KCP: variants seen among roughly 807,000 people sequenced by gnomAD.
The protein encoded by KCP is kielin/chordin-like protein.
In KCP, 194 loss-of-function variants were observed where a neutral mutation model predicts 212.7. The observed-to-expected ratio is 0.91, with a 90% confidence interval of 0.81 to 1.03. The LOEUF (loss-of-function observed/expected upper bound fraction) is 1.03. Among genes scored for constraint, KCP ranks in the 50% least tolerant of loss-of-function variants. KCP has a pLI of 0.00. For missense variants in KCP, 2,080 were observed against 2,162.5 expected (o/e 0.96, Z 0.76); for synonymous variants, 833 against 865.3 (o/e 0.96, Z 0.65).
chr7:128,896,946 A>G (rs919843902), intron 8 of KCP, among the ~76,000 whole-genome samples: 6 of 151,808 alleles, frequency 4.0e-5, no homozygotes, highest in African/African-American at 1.5e-4. Context: ...CAGCCATCCA[A>G]ACTTTTGAGC....
intron 8 of KCP, among the ~76,000 whole-genome samples, chr7:128,900,299 T>C (rs1794774663): frequency 6.6e-6 from 1 of 152,186 alleles, no homozygotes; most frequent in Admixed American, 6.5e-5. Context: ...ATGGTATACT[T>C]GTTATTAAAT....
chr7:128,880,133 G>T, intron 34 of KCP, 48 bp from the exon 35 acceptor site: 1 of 1,472,210 alleles, frequency 6.8e-7, no homozygotes. Context: ...TCCCCGCCAT[G>T]CCTCTCGCAG....
intron 29 of KCP, among the ~76,000 whole-genome samples, 180 bp downstream of exon 29, chr7:128,883,822 G>A (rs1383946236): frequency 6.6e-6 from 1 of 152,218 alleles, no homozygotes; most frequent in African/African-American, 2.4e-5. Context: ...AGAGGCAAAG[G>A]GTTCCTGTCA....
chr7:128,888,613 GACAC>G (rs753376588), intron 22 of KCP, among the ~76,000 whole-genome samples: 15 of 105,062 alleles, frequency 1.4e-4, no homozygotes, highest in African/African-American at 4.3e-4. Context: ...CACACAGCCA[GACAC>G]ACACACACAC....
chr7:128,907,608 T>A (rs1011964974), intron 2 of KCP, among the ~76,000 whole-genome samples, 155 bp from the exon 3 acceptor site: 14 of 152,174 alleles, frequency 9.2e-5, no homozygotes, highest in Non-Finnish European at 1.9e-4. Flanking sequence ...GCTCAAACGA[T>A]CACCATTCTC....
At chr7:128,887,086 T>A in intron 23 of KCP, 120 bp from the exon 24 acceptor site, 5 of 1,059,654 alleles carry the variant, frequency 4.7e-6, no homozygotes, top group Non-Finnish European at 7.2e-6. Flanking sequence ...CTGAGCCCAG[T>A]CCTGTCCCAT....
intron 8 of KCP, among the ~76,000 whole-genome samples, chr7:128,902,568 C>A (rs971585484): frequency 7.2e-5 from 11 of 152,184 alleles, no homozygotes; most frequent in Non-Finnish European, 1.2e-4. Flanking sequence ...TTCACTAACC[C>A]GGGCTGAGCA....
rs894772285 is a variant in KCP at position 128,877,166 on chromosome 7, T to G, written c.4764A>C (p.Ala1588=). 1.1e-5 allele frequency: 16 copies of G among 1,493,902 alleles called. No individual in the cohort carries two copies. The African/African-American group carries it at 2.0e-4, about 19-fold the overall frequency. The allele number at this position is 1,493,902 out of a possible 1,614,324, so 92.5% of individuals were successfully genotyped here. The stretch of plus-strand genomic sequence containing the variant: ...AGTGGGCCTCATGCTCCACCAGGCC[T>G]GCAGGGCACTGGCAGCCGGGCACGC... ...RPCVPGCQCP[A]GLVEHEAHCI... is the part of the protein sequence containing the mutation. Residue 1588 remains alanine (A), a synonymous_variant, in exon 40 of 40, where the codon GCA becomes GCC. Transcript: ENST00000610776.
chr7:128,880,091 C>T lies in KCP; in HGVS notation c.3760-6G>A, dbSNP rs1215187424. 3 of 1,530,106 alleles carry T rather than the reference C, an allele frequency of 2.0e-6. No homozygotes were observed. Among genetic ancestry groups the T allele is most frequent in the Non-Finnish European group, 2.6e-6 (3 of 1,137,142 alleles). 94.8% of individuals were successfully genotyped at this position (1,530,106 alleles called of 1,614,324 possible). ...CTCAGGGCAGGGGCCTTGTCCTGCA[C>T]TCAGCCCCAGACACTGTCAGACACA... On this transcript the variant is annotated splice_polypyrimidine_tract_variant and splice_region_variant and intron_variant, in intron 34 of 39. Coordinates refer to ENST00000610776, the MANE Select transcript of KCP (RefSeq NM_001366122.1).
intron 5 of KCP, among the ~76,000 whole-genome samples, chr7:128,905,882 GC>G (rs1404543070): frequency 6.6e-6 from 1 of 151,822 alleles, no homozygotes; most frequent in Non-Finnish European, 1.5e-5. Flanking sequence ...GTCTGTAAAG[GC>G]CCCCTGACTG....
chr7:128,880,585 G>A, intron 33 of KCP, 34 bp downstream of exon 33: 1 of 1,340,226 alleles, frequency 7.5e-7, no homozygotes, highest in South Asian at 2.0e-5. Flanking sequence ...CAGAAGGTCT[G>A]GCTTACCCCT....
chr7:128,886,501 C>A lies in KCP; in HGVS notation c.2829G>T (p.Gln943His), dbSNP rs926397487. ...LQCPPLPCKL[Q>H]VTERGSCCPR... Reference sequence around the variant, plus strand: ...GGCAGCAGCTCCCCCGCTCGGTGACCTGGAGCTTGCAGGGAAGGGGTGGGC... The same window carrying A: ...GGCAGCAGCTCCCCCGCTCGGTGACATGGAGCTTGCAGGGAAGGGGTGGGC... The change falls in exon 26 of 40, where the codon CAG becomes CAT. Residue 943 changes from glutamine (Q) to histidine (H), a missense_variant. Physicochemically the swap from Gln to His is conservative, Grantham distance 24. Transcript: ENST00000610776. 1 of 1,550,578 alleles carries A rather than the reference C, an allele frequency of 6.4e-7. No individual in the cohort carries two copies. Among genetic ancestry groups the A allele is most frequent in the Admixed American group, 2.0e-5 (1 of 50,942 alleles).
chr7:128,907,519 G>T, intron 2 of KCP, 66 bp from the exon 3 acceptor site: 6 of 1,155,928 alleles, frequency 5.2e-6, no homozygotes, highest in Non-Finnish European at 6.9e-6. Context: ...GTAGAGATGA[G>T]GGGTGTGAAA....
rs1050870897 is a variant in KCP, at chr7:128,891,059, C to T, written c.2010G>A (p.Ala670=). The T allele has an allele frequency of 7.0e-5, 98 of 1,394,210 alleles. No individual in the cohort carries two copies. The highest frequency in any genetic ancestry group is 2.1e-4 in the Admixed American group (6 of 28,522). The allele number at this position is 1,394,210 out of a possible 1,614,324, so 86.4% of individuals were successfully genotyped here. A position where few individuals can be genotyped will look rare whatever the true frequency, so the allele number is the denominator to read the frequency against. Reference sequence around the variant, plus strand: ...AGTACTCCTGGTGGCGGGCGTGGGCCGCGCCGGGCCGTGGGCAGCCGGCGG... The same window carrying T: ...AGTACTCCTGGTGGCGGGCGTGGGCTGCGCCGGGCCGTGGGCAGCCGGCGG... ...PAPAGCPRPG[A]AHARHQEYFS... is the part of the protein sequence containing the mutation. Residue 670 remains alanine (A), a synonymous_variant, in exon 20 of 40, where the codon GCG becomes GCA. Transcript: ENST00000610776.
chr7:128,888,015 A>C (rs1793796534), intron 22 of KCP, among the ~76,000 whole-genome samples: 1 of 147,206 alleles, frequency 6.8e-6, no homozygotes, highest in African/African-American at 2.6e-5. Flanking sequence ...ACACACCCAC[A>C]CACAGCCACA....
chr7:128,884,001 C>G lies in KCP; in HGVS notation c.3244+1G>C. 1 of 1,548,494 alleles carries G rather than the reference C, an allele frequency of 6.5e-7. No individual in the cohort carries two copies. The highest frequency in any genetic ancestry group is 8.7e-7 in the Non-Finnish European group (1 of 1,146,258). ...ATCTACCCCCACATCCCTGGACTCA[C>G]CGGCACAGGTGGGACAGCAGTGCTG... On this transcript the variant is annotated splice_donor_variant, in intron 29 of 39. Coordinates refer to ENST00000610776, the MANE Select transcript of KCP (RefSeq NM_001366122.1). LOFTEE classifies it high-confidence loss of function.
chr7:128,888,681 C>A (rs1036610379), intron 22 of KCP, among the ~76,000 whole-genome samples, 182 bp downstream of exon 22: 17 of 152,112 alleles, frequency 1.1e-4, no homozygotes, highest in African/African-American at 3.9e-4. Flanking sequence ...CACATACACA[C>A]ACACATACAT....
rs371249023 is a variant in KCP, at chr7:128,881,635, C to T, written c.3415G>A (p.Val1139Ile). Residue 1139 changes from valine (V) to isoleucine (I), a missense_variant, in exon 31 of 40, where the codon GTA becomes ATA. Val to Ile is a conservative substitution (Grantham distance 29). Coordinates refer to ENST00000610776, the MANE Select transcript of KCP (RefSeq NM_001366122.1). Reference protein sequence around the residue: ...RHTPPGSCCPVCRECVVEAEG... With the variant: ...RHTPPGSCCPICRECVVEAEG... ...AAGGCTGGGCACTTACCCCGGCATACGGGGCAGCAGCTCCCAGGGGGAGTG... is the reference window on the plus strand; with the variant it reads ...AAGGCTGGGCACTTACCCCGGCATATGGGGCAGCAGCTCCCAGGGGGAGTG... 141 of 1,496,828 alleles carry T rather than the reference C, an allele frequency of 9.4e-5. 1 individual carries two copies. In the African/African-American group the frequency reaches 1.1e-3, roughly 12 times the overall value. The allele number at this position is 1,496,828 out of a possible 1,614,324, so 92.7% of individuals were successfully genotyped here. A position where few individuals can be genotyped will look rare whatever the true frequency, so the allele number is the denominator to read the frequency against.
At chr7:128,910,419 C>T (rs1795370800) in intron 1 of KCP, among the ~76,000 whole-genome samples, 182 bp downstream of exon 1, 2 of 152,254 alleles carry the variant, frequency 1.3e-5, no homozygotes, top group African/African-American at 4.8e-5. Context: ...CTGCTTTGGC[C>T]GTGGTCTTCC....
Sources: gnomAD v4.1 joint callset for allele counts (sites outside exome capture counted in the v4.1 genomes callset) on GRCh38, gnomAD v4.1.1 for gene constraint, MANE v1.5 for transcripts, NCBI Gene and HGNC (gene_info 2026-07-23, HGNC 2026-07-21) for gene names.